PTPRM: variants seen among roughly 807,000 people sequenced by gnomAD.
PTPRM encodes protein tyrosine phosphatase receptor type M.
PTPRM carries 47 observed loss-of-function variants against 186.7 expected under a neutral mutation model. The ratio of observed to expected loss-of-function variants is 0.25; its 90% CI spans 0.20 to 0.32. The LOEUF (loss-of-function observed/expected upper bound fraction) is 0.32. Among genes scored for constraint, PTPRM ranks in the 10% least tolerant of loss-of-function variants. The pLI is 1.00. For synonymous variants in PTPRM, 668 were observed against 674.9 expected, an observed-to-expected ratio of 0.99 and a Z score of 0.16; for missense variants, 1,494 against 1,865.0, an observed-to-expected ratio of 0.80 and a Z score of 3.66.
At chr18:8,083,345 G>A (rs1276561028) in intron 9 of PTPRM, among the ~76,000 whole-genome samples, 2 of 152,056 alleles carry the variant, frequency 1.3e-5, no homozygotes, top group Non-Finnish European at 2.9e-5. Flanking sequence ...GAACCACACC[G>A]ACCTCCTTTC....
intron 7 of PTPRM, among the ~76,000 whole-genome samples, chr18:7,998,762 C>G (rs1184037636): frequency 6.6e-6 from 1 of 152,116 alleles, no homozygotes; most frequent in African/African-American, 2.4e-5. Context: ...TTAAGTGATT[C>G]TCATGCCTCA....
intron 1 of PTPRM, among the ~76,000 whole-genome samples, chr18:7,625,178 T>G (rs1266039783): frequency 2.0e-5 from 3 of 152,320 alleles, no homozygotes; most frequent in African/African-American, 7.2e-5. Context: ...CATAAAGGTC[T>G]TTTTAAGCAG....
intron 1 of PTPRM, among the ~76,000 whole-genome samples, chr18:7,623,162 G>T (rs1346753472): frequency 6.6e-6 from 1 of 151,762 alleles, no homozygotes; most frequent in East Asian, 1.9e-4. Flanking sequence ...TTTCTTGTTG[G>T]GGTGATATTT....
At chr18:8,084,418 T>C (rs563172900) in intron 9 of PTPRM, among the ~76,000 whole-genome samples, 2 of 152,248 alleles carry the variant, frequency 1.3e-5, no homozygotes, top group South Asian at 4.2e-4. Flanking sequence ...TCCTTAACCT[T>C]GCAGAGGAAG....
chr18:8,345,037 A>T (rs997851238), intron 23 of PTPRM, among the ~76,000 whole-genome samples: 1 of 152,192 alleles, frequency 6.6e-6, no homozygotes. Flanking sequence ...CTCCAGGGTC[A>T]AAGTAAACAC....
intron 7 of PTPRM, among the ~76,000 whole-genome samples, chr18:8,040,267 C>T (rs1044650016): frequency 3.3e-5 from 5 of 152,174 alleles, no homozygotes; most frequent in African/African-American, 9.7e-5. Flanking sequence ...GTTGTTCTCA[C>T]TCTCATCCTA....
intron 14 of PTPRM, among the ~76,000 whole-genome samples, chr18:8,238,607 G>C (rs1051365000): frequency 7.2e-6 from 1 of 139,248 alleles, no homozygotes; most frequent in Non-Finnish European, 1.5e-5. Context: ...CCATATCAGA[G>C]TCTGGTTTTG....
At chr18:7,715,216 T>G (rs1206410842) in intron 1 of PTPRM, among the ~76,000 whole-genome samples, 2 of 152,168 alleles carry the variant, frequency 1.3e-5, no homozygotes, top group Non-Finnish European at 2.9e-5. Flanking sequence ...CACGAATCAA[T>G]AAACGTAATC....
chr18:8,095,150 G>T (rs1488056690), intron 11 of PTPRM, among the ~76,000 whole-genome samples: 1 of 152,142 alleles, frequency 6.6e-6, no homozygotes, highest in African/African-American at 2.4e-5. Flanking sequence ...AGATTGGAAA[G>T]AGAGCAACAT....
At chr18:8,254,799 G>A (rs768950353) in intron 19 of PTPRM, among the ~76,000 whole-genome samples, 8 of 152,198 alleles carry the variant, frequency 5.3e-5, no homozygotes, top group South Asian at 4.1e-4. Context: ...ACCACTGTTG[G>A]CGGAGCCTGT....
At chr18:8,201,000 C>T (rs960520123) in intron 14 of PTPRM, among the ~76,000 whole-genome samples, 1 of 152,060 alleles carries the variant, frequency 6.6e-6, no homozygotes. Context: ...ATTAATAATA[C>T]TATGACATGG....
intron 7 of PTPRM, among the ~76,000 whole-genome samples, chr18:7,978,859 A>ATT (rs11395383): frequency 6.6e-6 from 1 of 151,434 alleles, no homozygotes; most frequent in East Asian, 1.9e-4. Flanking sequence ...ATGTTATATG[A>ATT]TTTTTTTTTG....
At chr18:8,075,272 A>C (rs1043251686) in intron 8 of PTPRM, among the ~76,000 whole-genome samples, 4 of 152,006 alleles carry the variant, frequency 2.6e-5, no homozygotes, top group African/African-American at 9.7e-5. Context: ...CTATCTATAT[A>C]TATATATCTT....
At chr18:8,257,886 A>C (rs2094588983) in intron 19 of PTPRM, among the ~76,000 whole-genome samples, 1 of 152,220 alleles carries the variant, frequency 6.6e-6, no homozygotes, top group Admixed American at 6.5e-5. Context: ...AAACACCAGA[A>C]GGATTCATTA....
intron 2 of PTPRM, among the ~76,000 whole-genome samples, chr18:7,878,704 TC>T (rs2048357053): frequency 1.3e-5 from 2 of 152,304 alleles, no homozygotes; most frequent in South Asian, 4.1e-4. Flanking sequence ...ACCAGATAGC[TC>T]TGATCTGCAG....
At chr18:7,772,349 C>CCCTTTCTT (rs2042323760) in intron 1 of PTPRM, among the ~76,000 whole-genome samples, 2 of 96,034 alleles carry the variant, frequency 2.1e-5, no homozygotes, top group Non-Finnish European at 3.9e-5. Flanking sequence ...TTCTTTCTTT[C>CCCTTTCTT]TCTTTCTTTC....
intron 19 of PTPRM, among the ~76,000 whole-genome samples, chr18:8,257,582 C>G (rs2094586113): frequency 1.3e-5 from 2 of 152,170 alleles, no homozygotes. Flanking sequence ...GTTGTTCTAT[C>G]TCTATTCAAA....
chr18:7,641,188 A>G (rs1451315143), intron 1 of PTPRM, among the ~76,000 whole-genome samples: 3 of 152,082 alleles, frequency 2.0e-5, no homozygotes, highest in African/African-American at 7.2e-5. Flanking sequence ...CAGTCAACCT[A>G]TATCTTCCTT....
chr18:7,727,489 CTT>C, intron 1 of PTPRM, among the ~76,000 whole-genome samples: 1 of 151,916 alleles, frequency 6.6e-6, no homozygotes, highest in East Asian at 1.9e-4. Context: ...TGCATTCCCA[CTT>C]TTTTTTGTCA....
Sources: gnomAD v4.1 joint callset for allele counts (sites outside exome capture counted in the v4.1 genomes callset) on GRCh38, gnomAD v4.1.1 for gene constraint, MANE v1.5 for transcripts, NCBI Gene and HGNC (gene_info 2026-07-23, HGNC 2026-07-21) for gene names.